The following PTPRM variants were observed in gnomAD, a reference collection of about 807,000 sequenced individuals.
The protein encoded by PTPRM is protein tyrosine phosphatase receptor type M.
In PTPRM, 47 loss-of-function variants were observed where a neutral mutation model predicts 186.7. The ratio of observed to expected loss-of-function variants is 0.25; its 90% CI spans 0.20 to 0.32. The LOEUF (loss-of-function observed/expected upper bound fraction) is 0.32, where lower values mean the gene tolerates loss of function less well. PTPRM is among the 10% of genes least tolerant of loss of function. PTPRM has a pLI of 1.00. For missense variants in PTPRM, 1,494 were observed against 1,865.0 expected (o/e 0.80, Z 3.66); for synonymous variants, 668 against 674.9 (o/e 0.99, Z 0.16).
intron 13 of PTPRM, among the ~76,000 whole-genome samples, chr18:8,139,172 C>T (rs1230641381): frequency 1.3e-5 from 2 of 152,182 alleles, no homozygotes; most frequent in Non-Finnish European, 2.9e-5. Context: ...GGTCTGCCCA[C>T]CCACCCCTCC....
At chr18:8,013,409 G>A (rs1034066019) in intron 7 of PTPRM, among the ~76,000 whole-genome samples, 1 of 152,168 alleles carries the variant, frequency 6.6e-6, no homozygotes. Context: ...TGTATGTTAT[G>A]TGTTTCACAT....
intron 23 of PTPRM, among the ~76,000 whole-genome samples, chr18:8,356,400 C>T (rs2095563458): frequency 1.3e-5 from 2 of 152,138 alleles, no homozygotes. Context: ...GGGAAGGGAC[C>T]CTGAGTGCAG....
At chr18:7,571,225 C>T (rs759832518) in intron 1 of PTPRM, among the ~76,000 whole-genome samples, 1 of 152,120 alleles carries the variant, frequency 6.6e-6, no homozygotes, top group Non-Finnish European at 1.5e-5. Context: ...CAGACATGAG[C>T]CACCGTGCCC....
At chr18:7,725,988 C>T (rs1011799536) in intron 1 of PTPRM, among the ~76,000 whole-genome samples, 2 of 152,154 alleles carry the variant, frequency 1.3e-5, no homozygotes, top group South Asian at 2.1e-4. Context: ...CTTCGGATCA[C>T]GGGCACTGTA....
At chr18:7,720,321 C>T (rs1471108024) in intron 1 of PTPRM, among the ~76,000 whole-genome samples, 1 of 151,910 alleles carries the variant, frequency 6.6e-6, no homozygotes, top group African/African-American at 2.4e-5. Context: ...CACTCTAGAG[C>T]CTCTGTAATG....
At chr18:7,614,104 T>C (rs548445250) in intron 1 of PTPRM, among the ~76,000 whole-genome samples, 1 of 152,284 alleles carries the variant, frequency 6.6e-6, no homozygotes, top group African/African-American at 2.4e-5. Context: ...TCCAGAATAC[T>C]TTAGGGTAAG....
intron 19 of PTPRM, among the ~76,000 whole-genome samples, chr18:8,269,266 A>G (rs1441548471): frequency 6.6e-6 from 1 of 152,056 alleles, no homozygotes; most frequent in Non-Finnish European, 1.5e-5. Flanking sequence ...CTATTTGAAA[A>G]TGAAGAGGAA....
intron 14 of PTPRM, among the ~76,000 whole-genome samples, chr18:8,206,917 G>A (rs2093939383): frequency 6.6e-6 from 1 of 152,080 alleles, no homozygotes. Context: ...GCTGCGGGAG[G>A]ACAGAGGCAG....
chr18:8,111,883 G>A (rs115875201), intron 11 of PTPRM, among the ~76,000 whole-genome samples: 2,005 of 152,216 alleles, frequency 0.013, 45 homozygotes, highest in African/African-American at 0.047. Flanking sequence ...CTCCAAAAGC[G>A]ATTTCAAGAG....
intron 1 of PTPRM, among the ~76,000 whole-genome samples, chr18:7,602,959 A>G (rs572548571): frequency 1.4e-5 from 2 of 146,496 alleles, no homozygotes; most frequent in Admixed American, 6.8e-5. Context: ...GCGGAGTCTC[A>G]CTCTCTCGCC....
intron 1 of PTPRM, among the ~76,000 whole-genome samples, chr18:7,678,494 G>C (rs538788821): frequency 2.6e-5 from 4 of 152,126 alleles, no homozygotes; most frequent in African/African-American, 9.7e-5. Context: ...CCCTTGCCTG[G>C]ACGGGGCCCT....
rs150820639 is a variant in PTPRM, at chr18:7,726,682, G to T, written c.74-47467G>T. ...GAGAATGACCATTCTTTGGAAGTCT[G>T]TTGATGTACCATTGTGCCTTATTGC... On this transcript the variant is annotated intron_variant, in intron 1 of 32. Coordinates refer to ENST00000580170, the MANE Select transcript of PTPRM (RefSeq NM_001105244.2). 1.7e-3 allele frequency among the ~76,000 whole-genome samples: 261 copies of T among 152,318 alleles called. 1 individual carries two copies. The highest frequency in any genetic ancestry group is 6.1e-3 in the African/African-American group (255 of 41,578).
intron 4 of PTPRM, among the ~76,000 whole-genome samples, chr18:7,911,634 A>G (rs1050568158): frequency 2.0e-5 from 3 of 152,138 alleles, no homozygotes; most frequent in African/African-American, 7.2e-5. Flanking sequence ...CTTATCAGAC[A>G]TATGATTCAA....
At chr18:8,137,864 G>GCAT (rs2092674226) in intron 13 of PTPRM, among the ~76,000 whole-genome samples, 1 of 151,996 alleles carries the variant, frequency 6.6e-6, no homozygotes, top group South Asian at 2.1e-4. Flanking sequence ...CTCTTCCCCA[G>GCAT]CTGGACTCTG....
intron 14 of PTPRM, among the ~76,000 whole-genome samples, chr18:8,185,832 A>C (rs1473973287): frequency 6.6e-6 from 1 of 152,196 alleles, no homozygotes; most frequent in Non-Finnish European, 1.5e-5. Flanking sequence ...TACAGAGGAA[A>C]AACAAAATAA....
chr18:8,372,644 G>A (rs1262548314), intron 24 of PTPRM, among the ~76,000 whole-genome samples: 1 of 151,758 alleles, frequency 6.6e-6, no homozygotes, highest in African/African-American at 2.4e-5. Context: ...AAAGAATGAG[G>A]AGTTCTGGTT....
At chr18:8,155,014 G>A (rs1344289938) in intron 14 of PTPRM, 1 of 152,268 alleles carries the variant, frequency 6.6e-6, no homozygotes, top group East Asian at 1.9e-4. Flanking sequence ...TGCAGCAAAT[G>A]TTAAGAAAAG....
intron 1 of PTPRM, among the ~76,000 whole-genome samples, chr18:7,600,673 C>A (rs2037378356): frequency 6.6e-6 from 1 of 152,238 alleles, no homozygotes; most frequent in African/African-American, 2.4e-5. Context: ...CACTCCAGGC[C>A]CTGCCCTTCC....
intron 26 of PTPRM, chr18:8,377,075 G>A (rs1264985536): frequency 6.3e-6 from 1 of 158,258 alleles, no homozygotes; most frequent in South Asian, 1.8e-4. Context: ...TGCCCATTTT[G>A]TGAAGTACTG....
Sources: gnomAD v4.1 joint callset for allele counts (sites outside exome capture counted in the v4.1 genomes callset) on GRCh38, gnomAD v4.1.1 for gene constraint, MANE v1.5 for transcripts, NCBI Gene and HGNC (gene_info 2026-07-23, HGNC 2026-07-21) for gene names.